TRAPPC8: variants seen among roughly 807,000 people sequenced by gnomAD.
The protein encoded by TRAPPC8 is trafficking protein particle complex subunit 8, also known as general sporulation gene 1 homolog.
A neutral mutation model predicts 174.3 loss-of-function variants in TRAPPC8; 54 were observed. The observed-to-expected ratio is 0.31, with a 90% confidence interval of 0.25 to 0.39. TRAPPC8 has a LOEUF of 0.39. TRAPPC8 is among the 10% of genes least tolerant of loss of function. The pLI is 1.00. For synonymous variants in TRAPPC8, 630 were observed against 579.9 expected, an observed-to-expected ratio of 1.09 and a Z score of -1.24; for missense variants, 1,531 against 1,699.1, an observed-to-expected ratio of 0.90 and a Z score of 1.74.
chr18:31,839,428 A>G lies in TRAPPC8; in HGVS notation c.3867T>C (p.Phe1289=). 1 of 1,604,454 alleles carries G rather than the reference A, an allele frequency of 6.2e-7. No homozygotes were observed. Among genetic ancestry groups the G allele is most frequent in the Non-Finnish European group, 8.5e-7 (1 of 1,176,846 alleles). Residue 1289 remains phenylalanine, a synonymous_variant, in exon 27 of 29, where the codon TTT becomes TTC. Coordinates refer to ENST00000283351, the MANE Select transcript of TRAPPC8 (RefSeq NM_014939.5). ...QEPPEMELLK[F]FRPENITVSS... ...AAACTGTAATGTTTTCTGGCCTGAA[A>G]AATTTCAATAGTTCCATTTCTGGTG...
rs139835377 is a variant in TRAPPC8 at position 31,935,271 on chromosome 18, G to A, written c.158-3748C>T. On this transcript the variant is annotated intron_variant, in intron 1 of 28. Coordinates refer to ENST00000283351, the MANE Select transcript of TRAPPC8 (RefSeq NM_014939.5). ...AGGCAGAATTGCTTGAACCTTGGAAGTGGAGGTTGCAGTGAGCCGAGATTG... is the reference window on the plus strand; with the variant it reads ...AGGCAGAATTGCTTGAACCTTGGAAATGGAGGTTGCAGTGAGCCGAGATTG... Among the ~76,000 whole-genome samples the A allele has an allele frequency of 6.0e-3, 903 of 149,544 alleles. 11 individuals carry two copies. Among genetic ancestry groups the A allele is most frequent in the African/African-American group, 0.021 (864 of 40,588 alleles).
chr18:31,873,433 C>T lies in TRAPPC8; in HGVS notation c.2059G>A (p.Asp687Asn). Reference sequence around the variant, plus strand: ...GGCTAAATAAAACTTTACTAACCATCCGCTGGTCGTCTGTCATGGCCAAAA... The same window carrying T: ...GGCTAAATAAAACTTTACTAACCATTCGCTGGTCGTCTGTCATGGCCAAAA... ...VFFGHDRRPA[D>N]GEKQAATHVS... The change falls in exon 14 of 29, where the codon GAT (aspartate) becomes AAT (asparagine). Residue 687 changes from aspartate (D) to asparagine (N), a missense_variant. Coordinates refer to ENST00000283351, the MANE Select transcript of TRAPPC8 (RefSeq NM_014939.5). 1 of 1,611,040 alleles carries T rather than the reference C, an allele frequency of 6.2e-7. No homozygotes were observed. Among genetic ancestry groups the T allele is most frequent in the South Asian group, 1.1e-5 (1 of 90,544 alleles).
Position 31,867,430 on chromosome 18 carries a change from A to AACTC in TRAPPC8, c.2431_2434dup (p.Phe812Ter). 6.2e-7 allele frequency: 1 copy of AACTC among 1,609,828 alleles called. No homozygotes were observed. Among genetic ancestry groups the AACTC allele is most frequent in the Non-Finnish European group, 8.5e-7 (1 of 1,176,850 alleles). On this transcript the variant is annotated stop_gained and frameshift_variant, in exon 17 of 29. Coordinates refer to ENST00000283351, the MANE Select transcript of TRAPPC8 (RefSeq NM_014939.5). LOFTEE classifies it high-confidence loss of function. ...TTTTGATTCTTCGCCATTAATTAAG[A>AACTC]ACTCTGAAATAACTTCAGCTCCAAT...
At chr18:31,873,352 GT>G (rs2034981654) in intron 14 of TRAPPC8, 77 bp downstream of exon 14, 1 of 1,214,802 alleles carries the variant, frequency 8.2e-7, no homozygotes, top group Non-Finnish European at 1.2e-6. Flanking sequence ...ACTATACATC[GT>G]TTTTTAAATG....
chr18:31,931,368 T>G lies in TRAPPC8; in HGVS notation c.313A>C (p.Asn105His), dbSNP rs755358532. 5.5e-5 allele frequency: 88 copies of G among 1,609,096 alleles called. No homozygotes were observed. Among genetic ancestry groups the G allele is most frequent in the Middle Eastern group, 3.3e-4 (2 of 6,052 alleles). The change falls in exon 2 of 29, where the codon AAT becomes CAT. Residue 105 changes from asparagine to histidine, a missense_variant. Transcript: ENST00000283351. ...TCATAATCTCCTGCTGTAATCACAT[T>G]AGCTACTAATCCTTCTGCAGGCTGA... is the stretch of plus-strand genomic sequence containing the variant. The part of the protein sequence containing the change: ...GSQPAEGLVA[N>H]VITAGDYDLN...
chr18:31,841,959 C>T (rs1476005712), intron 26 of TRAPPC8, among the ~76,000 whole-genome samples: 2 of 152,128 alleles, frequency 1.3e-5, no homozygotes, highest in African/African-American at 4.8e-5. Context: ...TGGTCTTGAA[C>T]TCCTGGCCTC....
At chr18:31,938,997 T>C (rs1265457996) in intron 1 of TRAPPC8, among the ~76,000 whole-genome samples, 2 of 149,750 alleles carry the variant, frequency 1.3e-5, no homozygotes, top group African/African-American at 2.5e-5. Flanking sequence ...GGAGAATCAC[T>C]TGAACCCGGG....
At chr18:31,913,753 T>C (rs2037015806) in intron 4 of TRAPPC8, among the ~76,000 whole-genome samples, 1 of 152,158 alleles carries the variant, frequency 6.6e-6, no homozygotes. Context: ...CTAGCTTAGA[T>C]ACCACCTTAA....
At chr18:31,842,004 G>A (rs1486672469) in intron 26 of TRAPPC8, among the ~76,000 whole-genome samples, 1 of 152,146 alleles carries the variant, frequency 6.6e-6, no homozygotes, top group Non-Finnish European at 1.5e-5. Flanking sequence ...CTATGCAGCT[G>A]GGACTAAAGG....
At position 31,916,425 on chromosome 18, in the gene TRAPPC8, C is replaced by T. The variant is rs2037148930; in HGVS notation, c.464G>A (p.Ser155Asn). Residue 155 changes from serine (S) to asparagine (N), a missense_variant, in exon 4 of 29, where the codon AGT (serine) becomes AAT (asparagine). Ser to Asn is a conservative substitution (Grantham distance 46). Coordinates refer to ENST00000283351, the MANE Select transcript of TRAPPC8 (RefSeq NM_014939.5). ...AAACTGTTCCACAGGTTCAGCTTCA[C>T]TAGATGACGCTACCAACATACCTTG... ...YLACMLVASSSEAEPVEQFSK... is the reference protein window; with the variant it reads ...YLACMLVASSNEAEPVEQFSK... The T allele has an allele frequency of 6.2e-7, 1 of 1,610,574 alleles. No homozygotes were observed. The highest frequency in any genetic ancestry group is 1.7e-5 in the Admixed American group (1 of 59,016).
chr18:31,902,671 GC>G (rs1292319154), intron 9 of TRAPPC8, among the ~76,000 whole-genome samples: 1 of 152,172 alleles, frequency 6.6e-6, no homozygotes, highest in East Asian at 1.9e-4. Flanking sequence ...GTGTTAGGTT[GC>G]CACTGGAGAT....
chr18:31,911,720 GCA>G lies in TRAPPC8; in HGVS notation c.771+1647_771+1648del, dbSNP rs199968991. Among the ~76,000 whole-genome samples, 69 of 129,094 alleles carry G rather than the reference GCA, an allele frequency of 5.3e-4. No individual in the cohort carries two copies. In the East Asian group the frequency reaches 0.016, roughly 29 times the overall value. 84.7% of individuals were successfully genotyped at this position (129,094 alleles called of 152,430 possible). ...TGCAGTGAGCCGAGATCATGCCACT[GCA>G]CTCCGGCCTGGGCGATAGAGTAAGA... On this transcript the variant is annotated intron_variant, in intron 5 of 28. Transcript: ENST00000283351.
chr18:31,932,494 T>TC (rs1169477769), intron 1 of TRAPPC8, among the ~76,000 whole-genome samples: 1 of 151,968 alleles, frequency 6.6e-6, no homozygotes, highest in Non-Finnish European at 1.5e-5. Flanking sequence ...CCCTAATACT[T>TC]CCTGCCTCCA....
chr18:31,849,188 T>C (rs964205366), intron 25 of TRAPPC8, among the ~76,000 whole-genome samples: 1 of 152,096 alleles, frequency 6.6e-6, no homozygotes, highest in Non-Finnish European at 1.5e-5. Flanking sequence ...GGTAAATGGA[T>C]TATATGAAAT....
intron 11 of TRAPPC8, among the ~76,000 whole-genome samples, chr18:31,896,944 G>T (rs1568107244): frequency 3.9e-5 from 6 of 152,264 alleles, no homozygotes; most frequent in Admixed American, 2.6e-4. Flanking sequence ...AAATCTTAAA[G>T]ACAGTTGGCC....
intron 19 of TRAPPC8, among the ~76,000 whole-genome samples, chr18:31,859,254 C>G (rs1398444818): frequency 6.6e-6 from 1 of 151,986 alleles, no homozygotes; most frequent in Non-Finnish European, 1.5e-5. Context: ...GTTTTTGAAT[C>G]TAAATGTGAG....
chr18:31,838,043 G>A (rs1279182937), intron 27 of TRAPPC8, among the ~76,000 whole-genome samples: 1 of 151,066 alleles, frequency 6.6e-6, no homozygotes, highest in African/African-American at 2.4e-5. Flanking sequence ...AAACATAGCT[G>A]ACCGTAGCCT....
Position 31,829,227 on chromosome 18 carries a change from T to C in TRAPPC8, c.*1528A>G, listed in dbSNP as rs1458108528. 1.3e-5 allele frequency: 2 copies of C among 152,240 alleles called. No individual in the cohort carries two copies. Among genetic ancestry groups the C allele is most frequent in the Non-Finnish European group, 2.9e-5 (2 of 68,038 alleles). 9.4% of individuals were successfully genotyped at this position (152,240 alleles called of 1,614,324 possible). A position where few individuals can be genotyped will look rare whatever the true frequency, so the allele number is the denominator to read the frequency against. ...AGTGCTTTATTACCTTTATTTTTAA[T>C]ATATTCAGTTGTAGGTTTATATAGT... On this transcript the variant is annotated 3_prime_UTR_variant, in exon 29 of 29. Coordinates refer to ENST00000283351, the MANE Select transcript of TRAPPC8 (RefSeq NM_014939.5).
chr18:31,905,559 G>C (rs1216285378), intron 9 of TRAPPC8, among the ~76,000 whole-genome samples: 1 of 152,066 alleles, frequency 6.6e-6, no homozygotes, highest in African/African-American at 2.4e-5. Flanking sequence ...TATTCCCTGA[G>C]GTATCCTCAG....
Sources: gnomAD v4.1 joint callset for allele counts (sites outside exome capture counted in the v4.1 genomes callset) on GRCh38, gnomAD v4.1.1 for gene constraint, MANE v1.5 for transcripts, NCBI Gene and HGNC (gene_info 2026-07-23, HGNC 2026-07-21) for gene names.